NRG1: variants seen among roughly 807,000 people sequenced by gnomAD.
NRG1 encodes the protein neuregulin 1.
NRG1 carries 18 observed loss-of-function variants against 63.8 expected under a neutral mutation model. The observed-to-expected ratio is 0.28, with a 90% CI of 0.19 to 0.42. The LOEUF is 0.42. Among genes scored for constraint, NRG1 ranks in the 10% least tolerant of loss-of-function variants. The pLI is 1.00. For missense variants in NRG1, 762 were observed against 814.7 expected (o/e 0.94, Z 0.79); for synonymous variants, 302 against 301.3 (o/e 1.00, Z -0.02).
chr8:31,907,364 A>G (rs1162507866), intron 1 of NRG1, among the ~76,000 whole-genome samples: 1 of 142,116 alleles, frequency 7.0e-6, no homozygotes, highest in Non-Finnish European at 1.5e-5. Flanking sequence ...TTTTTTTTTT[A>G]AGTATCCAAA....
intron 1 of NRG1, among the ~76,000 whole-genome samples, chr8:32,377,892 C>T (rs532964797): frequency 2.6e-5 from 4 of 152,342 alleles, no homozygotes; most frequent in South Asian, 4.1e-4. Context: ...CATGATTACA[C>T]TTCCAGTACC....
intron 1 of NRG1, among the ~76,000 whole-genome samples, chr8:32,503,057 G>A (rs180680580): frequency 4.4e-4 from 67 of 151,952 alleles, no homozygotes; most frequent in African/African-American, 1.5e-3. Flanking sequence ...AGGCTGAGAT[G>A]GGCGGATCAT....
chr8:31,720,268 T>A (rs1812774481), intron 1 of NRG1, among the ~76,000 whole-genome samples: 1 of 152,166 alleles, frequency 6.6e-6, no homozygotes, highest in Admixed American at 6.5e-5. Context: ...TGCAGGTACA[T>A]AATATACATT....
At chr8:32,313,423 A>G (rs1323535821) in intron 1 of NRG1, among the ~76,000 whole-genome samples, 1 of 152,178 alleles carries the variant, frequency 6.6e-6, no homozygotes, top group East Asian at 1.9e-4. Context: ...AATTAGGTGC[A>G]TTATAAATAA....
intron 1 of NRG1, among the ~76,000 whole-genome samples, chr8:32,523,540 G>A (rs1830532739): frequency 6.6e-6 from 1 of 152,146 alleles, no homozygotes; most frequent in African/African-American, 2.4e-5. Context: ...AGAATCAGAA[G>A]CTCTTTGGGG....
chr8:32,684,840 C>T (rs1198691784), intron 5 of NRG1, among the ~76,000 whole-genome samples: 10 of 113,640 alleles, frequency 8.8e-5, no homozygotes, highest in Admixed American at 8.7e-4. Flanking sequence ...AGTTTTGACA[C>T]TACTGATATT....
intron 1 of NRG1, among the ~76,000 whole-genome samples, chr8:31,874,983 T>C (rs1829791510): frequency 1.3e-5 from 2 of 152,166 alleles, no homozygotes; most frequent in African/African-American, 4.8e-5. Context: ...TCAACATGCA[T>C]AAAAATGACA....
At chr8:31,738,080 G>A (rs1289863368) in intron 1 of NRG1, among the ~76,000 whole-genome samples, 5 of 152,198 alleles carry the variant, frequency 3.3e-5, no homozygotes, top group African/African-American at 1.2e-4. Flanking sequence ...CAGCCATATG[G>A]CAGTGAGCAG....
chr8:31,953,447 T>G (rs1441892494), intron 1 of NRG1, among the ~76,000 whole-genome samples: 10 of 152,174 alleles, frequency 6.6e-5, no homozygotes, highest in Non-Finnish European at 7.3e-5. Context: ...GTAGAGGTGC[T>G]TGGATAAGAA....
chr8:31,678,475 A>T (rs1191106731), intron 1 of NRG1, among the ~76,000 whole-genome samples: 1 of 152,056 alleles, frequency 6.6e-6, no homozygotes, highest in South Asian at 2.1e-4. Context: ...CTCATTTGGC[A>T]TAGCTTAATG....
intron 1 of NRG1, among the ~76,000 whole-genome samples, chr8:31,923,976 A>T (rs1187147972): frequency 6.6e-6 from 1 of 152,148 alleles, no homozygotes; most frequent in Non-Finnish European, 1.5e-5. Context: ...AACATGCAGT[A>T]TGTGTCTTTC....
chr8:31,996,260 A>G (rs897940102), intron 1 of NRG1, among the ~76,000 whole-genome samples: 1 of 152,028 alleles, frequency 6.6e-6, no homozygotes, highest in South Asian at 2.1e-4. Flanking sequence ...TGTTCTTTAT[A>G]TTGGCACTCC....
chr8:32,339,798 T>C (rs944315363), intron 1 of NRG1, among the ~76,000 whole-genome samples: 2 of 152,222 alleles, frequency 1.3e-5, no homozygotes, highest in Admixed American at 1.3e-4. Context: ...CTTTCTGTAT[T>C]CCTCAGCTGG....
chr8:31,851,880 T>C (rs533615155), intron 1 of NRG1, among the ~76,000 whole-genome samples: 3 of 151,214 alleles, frequency 2.0e-5, no homozygotes, highest in Non-Finnish European at 2.9e-5. Flanking sequence ...GTTCTTGCGA[T>C]AGTTTACTGA....
At chr8:32,068,562 A>T (rs1825254109) in intron 1 of NRG1, among the ~76,000 whole-genome samples, 1 of 152,182 alleles carries the variant, frequency 6.6e-6, no homozygotes, top group Non-Finnish European at 1.5e-5. Flanking sequence ...GGAAGTCAAT[A>T]GTGATGCAGT....
At chr8:32,150,191 GAA>G (rs5890626) in intron 1 of NRG1, among the ~76,000 whole-genome samples, 4 of 151,626 alleles carry the variant, frequency 2.6e-5, no homozygotes, top group African/African-American at 2.4e-5. Flanking sequence ...TACATGAAGG[GAA>G]AAAAAACCCA....
intron 1 of NRG1, among the ~76,000 whole-genome samples, chr8:32,188,693 G>C (rs531161748): frequency 2.0e-5 from 3 of 152,172 alleles, no homozygotes; most frequent in African/African-American, 7.2e-5. Flanking sequence ...GAGACAAGAG[G>C]AGGAGGCCGT....
chr8:32,357,532 GT>G lies in NRG1; in HGVS notation c.38-238289del, dbSNP rs1217890953. ...CTTTTATTGAGCTCACCCAACAAAA[GT>G]TTTTTTCATCATGTCCTGCTTTTAC... On this transcript the variant is annotated intron_variant, in intron 1 of 10. Coordinates refer to the NRG1 transcript ENST00000519301. Among the ~76,000 whole-genome samples, 7 of 152,146 alleles carry G rather than the reference GT, an allele frequency of 4.6e-5. No individual in the cohort carries two copies. The East Asian group carries it at 5.8e-4, about 13-fold the overall frequency.
At chr8:31,853,664 G>A (rs1210039534) in intron 1 of NRG1, among the ~76,000 whole-genome samples, 1 of 151,544 alleles carries the variant, frequency 6.6e-6, no homozygotes, top group Admixed American at 6.6e-5. Context: ...TAGTAGTGGT[G>A]AGAGAGGGCA....
Sources: gnomAD v4.1 joint callset for allele counts (sites outside exome capture counted in the v4.1 genomes callset) on GRCh38, gnomAD v4.1.1 for gene constraint, MANE v1.5 for transcripts, NCBI Gene and HGNC (gene_info 2026-07-23, HGNC 2026-07-21) for gene names.